ARID4B: variants seen among roughly 807,000 people sequenced by gnomAD.
ARID4B encodes AT-rich interaction domain 4B.
A neutral mutation model predicts 147.5 loss-of-function variants in ARID4B; 26 were observed. The observed-to-expected ratio is 0.18, with a 90% CI of 0.13 to 0.24. The LOEUF is 0.24. ARID4B is among the 10% of genes least tolerant of loss of function. The pLI, the probability that ARID4B is intolerant of heterozygous loss-of-function variation, is 1.00. For synonymous variants in ARID4B, 512 were observed against 507.9 expected (o/e 1.01, Z -0.11); for missense variants, 1,179 against 1,511.5 (o/e 0.78, Z 3.65).
chr1:235,220,882 C>CTTTTTTTGTT (rs567824589), intron 14 of ARID4B, among the ~76,000 whole-genome samples: 4 of 115,434 alleles, frequency 3.5e-5, no homozygotes, highest in East Asian at 4.2e-4. Flanking sequence ...CAGCAGCATC[C>CTTTTTTTGTT]TTTTTTTGTT....
At chr1:235,209,902 T>TA (rs1395597634) in intron 17 of ARID4B, among the ~76,000 whole-genome samples, 1 of 152,272 alleles carries the variant, frequency 6.6e-6, no homozygotes, top group African/African-American at 2.4e-5. Context: ...CAGACACTCT[T>TA]ACATTATTTG....
intron 2 of ARID4B, among the ~76,000 whole-genome samples, chr1:235,267,337 C>T (rs761663319): frequency 6.6e-6 from 1 of 152,124 alleles, no homozygotes; most frequent in South Asian, 2.1e-4. Flanking sequence ...ACACAAACCA[C>T]GTGACAATAA....
intron 11 of ARID4B, chr1:235,228,285 C>CTTTTT (rs34559749): frequency 5.4e-5 from 4 of 73,928 alleles, no homozygotes; most frequent in Admixed American, 1.9e-4. Flanking sequence ...TAGGTAGGTT[C>CTTTTT]TTTTTTTTTT....
At chr1:235,171,499 T>C (rs1219343376) in intron 23 of ARID4B, among the ~76,000 whole-genome samples, 1 of 152,240 alleles carries the variant, frequency 6.6e-6, no homozygotes, top group Non-Finnish European at 1.5e-5. Context: ...CATTTTCCTA[T>C]GGATTTTTCT....
chr1:235,224,308 ATC>A (rs759957420), intron 12 of ARID4B, among the ~76,000 whole-genome samples: 46 of 152,200 alleles, frequency 3.0e-4, no homozygotes, highest in Admixed American at 6.5e-4. Context: ...TCTTCCTTCA[ATC>A]CTTCCGTGGC....
intron 7 of ARID4B, among the ~76,000 whole-genome samples, chr1:235,245,923 G>A (rs912216451): frequency 3.3e-5 from 5 of 152,146 alleles, no homozygotes; most frequent in African/African-American, 4.8e-5. Context: ...TTCAAACCCA[G>A]ACCAACTGGC....
chr1:235,208,999 G>A (rs1182951217), intron 17 of ARID4B, among the ~76,000 whole-genome samples: 2 of 152,152 alleles, frequency 1.3e-5, no homozygotes, highest in East Asian at 1.9e-4. Context: ...TTCTGTAAGA[G>A]TATTATAATA....
chr1:235,253,718 A>C (rs1669782450), intron 5 of ARID4B, among the ~76,000 whole-genome samples: 1 of 152,202 alleles, frequency 6.6e-6, no homozygotes, highest in Non-Finnish European at 1.5e-5. Context: ...TTATATGCAT[A>C]AATCTGTGAT....
At chr1:235,196,748 G>A (rs1350389725) in intron 17 of ARID4B, among the ~76,000 whole-genome samples, 2 of 151,408 alleles carry the variant, frequency 1.3e-5, no homozygotes, top group Admixed American at 6.6e-5. Context: ...AGCTACTCAG[G>A]AGGCTGAGGC....
Position 235,237,489 on chromosome 1 carries a change from A to G in ARID4B, c.585+2824T>C, listed in dbSNP as rs1668682264. 2.0e-5 allele frequency among the ~76,000 whole-genome samples: 3 copies of G among 152,232 alleles called. No individual in the cohort carries two copies. The South Asian group carries it at 6.2e-4, about 31-fold the overall frequency. On this transcript the variant is annotated intron_variant, in intron 8 of 23. Transcript: ENST00000264183. ...TGTCCTCATTTTTCACTATCATTAC[A>G]AGAGCTGACATTTACTGCATATTTA...
chr1:235,326,937 G>T lies in ARID4B; in HGVS notation c.-18C>A. On this transcript the variant is annotated 5_prime_UTR_variant, in exon 2 of 24. Transcript: ENST00000264183. ...ACCTTCATGATGACTCTGGGACCAA[G>T]GTATCCTCTAAAACACCAGGTTCAG... is the stretch of plus-strand genomic sequence containing the variant. 6.2e-7 allele frequency: 1 copy of T among 1,613,802 alleles called. No individual in the cohort carries two copies. The highest frequency in any genetic ancestry group is 2.2e-5 in the East Asian group (1 of 44,872).
chr1:235,257,402 C>T (rs1042248732), intron 3 of ARID4B, among the ~76,000 whole-genome samples, 177 bp from the exon 4 acceptor site: 6 of 151,698 alleles, frequency 4.0e-5, no homozygotes, highest in African/African-American at 7.3e-5. Context: ...CTGCTCAGAC[C>T]GTATCTGTTT....
At position 235,219,862 on chromosome 1, in the gene ARID4B, T is replaced by C. The variant is rs115913779; in HGVS notation, c.1514A>G (p.Asp505Gly). Residue 505 changes from aspartate (D) to glycine (G), a missense_variant, in exon 16 of 24, where the codon GAT becomes GGT. Physicochemically the swap from Asp to Gly is moderately conservative, Grantham distance 94. Transcript: ENST00000264183. ...GGATTCATCTACCCTAGTTGTGTCA[T>C]CATCTTTGTCATCCAGATTTTCATT... ...EDNENLDDKDDDTTRVDESLN... is the reference protein window; with the variant it reads ...EDNENLDDKDGDTTRVDESLN... 1,140 of 1,609,632 alleles carry C rather than the reference T, an allele frequency of 7.1e-4. 3 individuals carry two copies. The African/African-American group carries it at 0.011, about 15-fold the overall frequency.
intron 20 of ARID4B, among the ~76,000 whole-genome samples, chr1:235,179,151 T>G (rs1363584498): frequency 3.9e-5 from 6 of 152,216 alleles, no homozygotes; most frequent in South Asian, 2.1e-4. Context: ...TAGTAAAACT[T>G]AAATTTTAAC....
At position 235,226,655 on chromosome 1, in the gene ARID4B, G is replaced by T. The variant is rs1227174010; in HGVS notation, c.898-1880C>A. Reference sequence around the variant, plus strand: ...TCCTGCCTCAGCCTCCTGAGTAGCTGGGACTACAGGCGTCCACCACCATGC... The same window carrying T: ...TCCTGCCTCAGCCTCCTGAGTAGCTTGGACTACAGGCGTCCACCACCATGC... On this transcript the variant is annotated intron_variant, in intron 11 of 23. Transcript: ENST00000264183. Among the ~76,000 whole-genome samples the T allele has an allele frequency of 7.2e-5, 11 of 152,186 alleles. 1 individual carries two copies.
chr1:235,286,454 A>G (rs1671979453), intron 2 of ARID4B, among the ~76,000 whole-genome samples: 1 of 152,340 alleles, frequency 6.6e-6, no homozygotes, highest in South Asian at 2.1e-4. Flanking sequence ...TTAAACAGTT[A>G]AGTTACCATA....
chr1:235,211,159 C>T (rs1411221658), intron 17 of ARID4B, among the ~76,000 whole-genome samples: 1 of 152,130 alleles, frequency 6.6e-6, no homozygotes, highest in African/African-American at 2.4e-5. Context: ...CATGGAGAAA[C>T]CCCATCTCTA....
chr1:235,233,387 C>T (rs1425640621), intron 9 of ARID4B, among the ~76,000 whole-genome samples: 1 of 152,016 alleles, frequency 6.6e-6, no homozygotes, highest in African/African-American at 2.4e-5. Context: ...GAGCCATGAT[C>T]ATGTCACTGC....
intron 2 of ARID4B, among the ~76,000 whole-genome samples, chr1:235,261,432 G>C (rs1670287315): frequency 6.6e-6 from 1 of 152,206 alleles, no homozygotes; most frequent in Admixed American, 6.5e-5. Flanking sequence ...ACTGAAGTGG[G>C]AGGAGTGCTT....
Sources: allele counts gnomAD v4.1 joint callset (sites outside exome capture counted in the v4.1 genomes callset), GRCh38; gene constraint gnomAD v4.1.1; transcripts MANE v1.5; gene names NCBI Gene and HGNC (gene_info 2026-07-23, HGNC 2026-07-21).